AFF3: variants seen among roughly 807,000 people sequenced by gnomAD.
AFF3 encodes AF4/FMR2 family member 3.
In AFF3, 32 loss-of-function variants were observed where a neutral mutation model predicts 129.7. The ratio of observed to expected loss-of-function variants is 0.25; its 90% CI spans 0.19 to 0.33. The LOEUF (loss-of-function observed/expected upper bound fraction) is 0.33. AFF3 is among the 10% of genes least tolerant of loss of function. AFF3 has a pLI of 1.00. For synonymous variants in AFF3, 644 were observed against 635.4 expected, an observed-to-expected ratio of 1.01 and a Z score of -0.20; for missense variants, 1,373 against 1,592.0, an observed-to-expected ratio of 0.86 and a Z score of 2.34.
chr2:100,035,398 C>A (rs1230554741), intron 4 of AFF3, among the ~76,000 whole-genome samples: 1 of 152,196 alleles, frequency 6.6e-6, no homozygotes, highest in Non-Finnish European at 1.5e-5. Context: ...CACATTTACT[C>A]AACAGGAGTA....
chr2:99,929,018 A>G (rs1038934928), intron 7 of AFF3, among the ~76,000 whole-genome samples: 1 of 152,226 alleles, frequency 6.6e-6, no homozygotes, highest in African/African-American at 2.4e-5. Context: ...ACTTTTAAAG[A>G]AGTAAAAAAA....
intron 2 of AFF3, among the ~76,000 whole-genome samples, chr2:100,122,080 T>A (rs960900743): frequency 2.0e-5 from 3 of 152,250 alleles, no homozygotes; most frequent in African/African-American, 2.4e-5. Context: ...AAAAAATAAA[T>A]AAATAAATAA....
intron 7 of AFF3, among the ~76,000 whole-genome samples, chr2:99,845,517 C>T (rs1425673339): frequency 6.6e-6 from 1 of 152,102 alleles, no homozygotes; most frequent in Admixed American, 6.5e-5. Context: ...GGGGTCATGT[C>T]TCAAAAAAGT....
chr2:99,901,332 C>A (rs1210715514), intron 7 of AFF3, among the ~76,000 whole-genome samples: 1 of 152,192 alleles, frequency 6.6e-6, no homozygotes, highest in Non-Finnish European at 1.5e-5. Context: ...TACAGAAAAT[C>A]TAAACATCAC....
intron 12 of AFF3, among the ~76,000 whole-genome samples, chr2:99,661,074 G>A (rs1390739234): frequency 8.5e-5 from 13 of 152,186 alleles, no homozygotes; most frequent in Admixed American, 8.5e-4. Flanking sequence ...CCCATGCCTG[G>A]AAATGAGGGA....
At chr2:99,886,329 C>T (rs1465479922) in intron 7 of AFF3, among the ~76,000 whole-genome samples, 1 of 152,146 alleles carries the variant, frequency 6.6e-6, no homozygotes, top group Admixed American at 6.6e-5. Flanking sequence ...GGAACCTTGT[C>T]TTTAAATGGA....
intron 17 of AFF3, 121 bp downstream of exon 17, chr2:99,582,677 G>A (rs1677685672): frequency 7.8e-6 from 8 of 1,030,862 alleles, no homozygotes; most frequent in Non-Finnish European, 1.4e-6. Context: ...GAAGCGGGAG[G>A]CATTCAGGAA....
intron 15 of AFF3, among the ~76,000 whole-genome samples, chr2:99,592,793 G>A (rs1172450865): frequency 1.3e-5 from 2 of 152,050 alleles, no homozygotes; most frequent in African/African-American, 2.4e-5. Context: ...AAAATTAGCT[G>A]GGCATGGTGG....
At chr2:100,127,933 A>G (rs1692267054) in intron 2 of AFF3, among the ~76,000 whole-genome samples, 2 of 152,190 alleles carry the variant, frequency 1.3e-5, no homozygotes. Flanking sequence ...CACAAGATAC[A>G]GGTCCTAAAG....
chr2:99,868,135 G>A (rs1260715127), intron 7 of AFF3, among the ~76,000 whole-genome samples: 1 of 151,956 alleles, frequency 6.6e-6, no homozygotes, highest in Non-Finnish European at 1.5e-5. Flanking sequence ...TTGAAAGAGT[G>A]CTGGGTTTCT....
At chr2:100,043,710 G>T (rs1260855542) in intron 4 of AFF3, among the ~76,000 whole-genome samples, 10 of 152,168 alleles carry the variant, frequency 6.6e-5, no homozygotes, top group Non-Finnish European at 1.3e-4. Context: ...CATCAACTGT[G>T]AAATCTTTCT....
chr2:99,811,451 A>G (rs532895737), intron 8 of AFF3, among the ~76,000 whole-genome samples: 1 of 152,214 alleles, frequency 6.6e-6, no homozygotes, highest in South Asian at 2.1e-4. Flanking sequence ...AGAAAACAGC[A>G]TATTCAAACC....
intron 8 of AFF3, among the ~76,000 whole-genome samples, chr2:99,812,446 G>A (rs1686865808): frequency 6.6e-6 from 1 of 152,196 alleles, no homozygotes; most frequent in South Asian, 2.1e-4. Flanking sequence ...AGTACCTGAT[G>A]CAGCAGCCTC....
chr2:100,058,746 C>G (rs1687004722), intron 4 of AFF3, among the ~76,000 whole-genome samples: 1 of 152,058 alleles, frequency 6.6e-6, no homozygotes, highest in African/African-American at 2.4e-5. Context: ...AAAATATAGG[C>G]CTTGATTAGC....
chr2:100,014,783 C>CTTTTTTTTTTTTTTTTTTTTTTTTTTTT (rs60456923), intron 4 of AFF3, among the ~76,000 whole-genome samples: 1 of 120,416 alleles, frequency 8.3e-6, no homozygotes, highest in African/African-American at 3.3e-5. Context: ...ACCTTGCTTC[C>CTTTTTTTTTTTTTTTTTTTTTTTTTTTT]TTTTTTTTTT....
chr2:99,779,319 GTATGT>G (rs1684206444), intron 8 of AFF3, among the ~76,000 whole-genome samples: 1 of 152,080 alleles, frequency 6.6e-6, no homozygotes, highest in African/African-American at 2.4e-5. Context: ...TATAGTTAGA[GTATGT>G]TATATTAATT....
chr2:99,557,282 T>C (rs1031068508), intron 22 of AFF3, among the ~76,000 whole-genome samples: 2 of 149,052 alleles, frequency 1.3e-5, no homozygotes, highest in African/African-American at 4.9e-5. Flanking sequence ...TGTTTTCCTT[T>C]TTTTTTTTTT....
intron 4 of AFF3, among the ~76,000 whole-genome samples, chr2:100,103,895 G>A (rs991367776): frequency 2.6e-5 from 4 of 151,722 alleles, no homozygotes; most frequent in Admixed American, 2.6e-4. Flanking sequence ...CTCGGTGGAA[G>A]TGGGTGGGAG....
At chr2:99,811,522 A>C (rs1244718507) in intron 8 of AFF3, among the ~76,000 whole-genome samples, 1 of 152,120 alleles carries the variant, frequency 6.6e-6, no homozygotes, top group East Asian at 1.9e-4. Flanking sequence ...ACACCTTTAC[A>C]GTATGTGTCA....
Sources: allele counts gnomAD v4.1 joint callset (sites outside exome capture counted in the v4.1 genomes callset), GRCh38; gene constraint gnomAD v4.1.1; transcripts MANE v1.5; gene names NCBI Gene and HGNC (gene_info 2026-07-23, HGNC 2026-07-21).